LOC400499: variants seen among roughly 807,000 people sequenced by gnomAD.
chr16:11,436,988 T>C, the LOC400499 span, among the ~76,000 whole-genome samples: 1 of 152,260 alleles, frequency 6.6e-6, no homozygotes, highest in East Asian at 1.9e-4. Context: ...CTAGTGCTAA[T>C]ATAAAATGAG....
chr16:11,439,445 T>C, the LOC400499 span: 3 of 398,730 alleles, frequency 7.5e-6, no homozygotes, highest in Non-Finnish European at 1.3e-5. Flanking sequence ...AGACAACCCT[T>C]GGCAGGCGAG....
the LOC400499 span, among the ~76,000 whole-genome samples, chr16:11,497,078 GTGTT>G: frequency 6.6e-6 from 1 of 152,162 alleles, no homozygotes; most frequent in Non-Finnish European, 1.5e-5. Context: ...ATATCCCTGT[GTGTT>G]TGTGTGTCCC....
chr16:11,427,350 C>CAAAAAAA, the LOC400499 span, among the ~76,000 whole-genome samples: 1 of 38,842 alleles, frequency 2.6e-5, no homozygotes, highest in Non-Finnish European at 7.7e-5. Flanking sequence ...CTCCATCTCA[C>CAAAAAAA]AAAAAAAAAA....
the LOC400499 span, among the ~76,000 whole-genome samples, chr16:11,464,538 C>T: frequency 6.6e-6 from 1 of 152,230 alleles, no homozygotes; most frequent in Non-Finnish European, 1.5e-5. Context: ...ACAGAACATT[C>T]TTCCCTAAAC....
chr16:11,501,945 G>A, the LOC400499 span: 24 of 394,692 alleles, frequency 6.1e-5, 1 homozygote, highest in Admixed American at 1.3e-4. Flanking sequence ...GGACAAGTCA[G>A]TGTCAAGGGG....
chr16:11,399,893 C>T, the LOC400499 span: 1 of 398,350 alleles, frequency 2.5e-6, no homozygotes, highest in Non-Finnish European at 4.4e-6. Flanking sequence ...GTCCCCACAG[C>T]CATCTCTGTT....
chr16:11,520,664 CAAAAAAAAA>C, the LOC400499 span, among the ~76,000 whole-genome samples: 10 of 63,152 alleles, frequency 1.6e-4, no homozygotes, highest in South Asian at 7.0e-4. Flanking sequence ...GAGACTCCAT[CAAAAAAAAA>C]AAAAAAAAAA....
the LOC400499 span, chr16:11,417,540 T>G: frequency 2.5e-6 from 1 of 398,020 alleles, no homozygotes. Context: ...TTGACAGGAG[T>G]GCCACCTGGG....
chr16:11,446,941 C>A, the LOC400499 span: 1 of 1,518,000 alleles, frequency 6.6e-7, no homozygotes. Flanking sequence ...CAGGCCAAAG[C>A]CATTAAAGCA....
the LOC400499 span, among the ~76,000 whole-genome samples, chr16:11,432,034 G>A: frequency 1.3e-5 from 2 of 152,190 alleles, no homozygotes; most frequent in East Asian, 3.8e-4. Flanking sequence ...CATGATGTGA[G>A]GAAGCCCAAG....
the LOC400499 span, among the ~76,000 whole-genome samples, chr16:11,521,259 C>T: frequency 2.6e-5 from 4 of 152,108 alleles, no homozygotes; most frequent in Non-Finnish European, 5.9e-5. Context: ...GATGAGACTC[C>T]AACAGAAACT....
chr16:11,438,607 CA>C, the LOC400499 span, among the ~76,000 whole-genome samples: 18,174 of 59,762 alleles, frequency 0.3, 959 homozygotes, highest in Admixed American at 0.39. Flanking sequence ...CCTGTCTCTG[CA>C]AAAAAAAAAA....
At chr16:11,385,026 A>C in the LOC400499 span, 2 of 1,232,244 alleles carry the variant, frequency 1.6e-6, no homozygotes, top group South Asian at 4.1e-5. Flanking sequence ...AGGTCCGGAC[A>C]ACTGTCCCCC....
chr16:11,390,653 T>A, the LOC400499 span, among the ~76,000 whole-genome samples: 1 of 152,186 alleles, frequency 6.6e-6, no homozygotes, highest in Non-Finnish European at 1.5e-5. Flanking sequence ...CTGAGCCGTC[T>A]CTGCAAGGCC....
chr16:11,407,348 A>G, the LOC400499 span: 3 of 209,866 alleles, frequency 1.4e-5, no homozygotes, highest in African/African-American at 4.4e-5. Context: ...CTGGGTCAGA[A>G]AAAAAAAAAA....
the LOC400499 span, among the ~76,000 whole-genome samples, chr16:11,494,218 A>G: frequency 4.9e-5 from 7 of 144,118 alleles, no homozygotes; most frequent in Admixed American, 1.4e-4. Context: ...GCATTTACCC[A>G]CCTTCTCGGG....
the LOC400499 span, among the ~76,000 whole-genome samples, chr16:11,459,024 G>C: frequency 1.3e-5 from 2 of 151,176 alleles, no homozygotes; most frequent in Non-Finnish European, 2.9e-5. Context: ...GCGACAGAGC[G>C]AGACTCCATC....
the LOC400499 span, among the ~76,000 whole-genome samples, chr16:11,449,758 G>A: frequency 2.6e-5 from 4 of 152,214 alleles, no homozygotes; most frequent in African/African-American, 9.6e-5. Context: ...TTCCTAGAAT[G>A]GCACTTCCAT....
the LOC400499 span, among the ~76,000 whole-genome samples, chr16:11,373,174 C>A: frequency 3.9e-5 from 6 of 152,280 alleles, no homozygotes; most frequent in Non-Finnish European, 5.9e-5. Context: ...TGGGTGAGAT[C>A]TTCAGTACAG....
Sources: gnomAD v4.1 joint callset for allele counts (sites outside exome capture counted in the v4.1 genomes callset) on GRCh38, gnomAD v4.1.1 for gene constraint, MANE v1.5 for transcripts.